CNR2: variants seen among roughly 807,000 people sequenced by gnomAD.
CNR2 encodes the protein cannabinoid receptor 2 (macrophage).
For synonymous variants in CNR2, 172 were observed against 182.2 expected, an observed-to-expected ratio of 0.94 and a Z score of 0.45; for missense variants, 379 against 439.9, an observed-to-expected ratio of 0.86 and a Z score of 1.24.
chr1:23,913,164 A>C (rs1237583499), intron 1 of CNR2, 82 bp downstream of exon 1: 1 of 172,252 alleles, frequency 5.8e-6, no homozygotes, highest in Non-Finnish European at 1.2e-5. Context: ...CCGTCTCAAA[A>C]ACAAACAAAC....
In CNR2 at chr1:23,874,574, C is replaced by T. The variant is rs200225926; in HGVS notation, c.1044G>A (p.Pro348=). 5.9e-5 allele frequency: 96 copies of T among 1,613,980 alleles called. No homozygotes were observed. The East Asian group carries it at 9.4e-4, about 16-fold the overall frequency. ...GGTCTAGATCTCTGGAATCTGGCCA[C>T]GGAGTGATTTTCCCATCAGCCTCTG... ...TETEADGKIT[P]WPDSRDLDLS... Residue 348 remains proline, a synonymous_variant, in exon 2 of 2, where the codon CCG becomes CCA. Coordinates refer to ENST00000374472, the MANE Select transcript of CNR2 (RefSeq NM_001841.3).
intron 1 of CNR2, among the ~76,000 whole-genome samples, chr1:23,912,610 G>A (rs1054508179): frequency 2.0e-5 from 3 of 152,228 alleles, no homozygotes; most frequent in Admixed American, 2.0e-4. Context: ...CGGCTGTTGT[G>A]AGGATTAAAT....
At chr1:23,885,346 T>C (rs1304363281) in intron 1 of CNR2, among the ~76,000 whole-genome samples, 2 of 151,764 alleles carry the variant, frequency 1.3e-5, no homozygotes, top group African/African-American at 2.4e-5. Context: ...AGACCCCAAG[T>C]ATGAGTGTGA....
chr1:23,911,904 A>G (rs975522573), intron 1 of CNR2, among the ~76,000 whole-genome samples: 1 of 152,152 alleles, frequency 6.6e-6, no homozygotes, highest in Non-Finnish European at 1.5e-5. Context: ...ACTTCTCCCC[A>G]GCCTCCATCC....
At chr1:23,886,421 G>A (rs1203837840) in intron 1 of CNR2, among the ~76,000 whole-genome samples, 2 of 152,176 alleles carry the variant, frequency 1.3e-5, no homozygotes, top group East Asian at 1.9e-4. Flanking sequence ...TGGGTTTCCT[G>A]TTGCTCTGTG....
At chr1:23,884,382 T>C (rs543258063) in intron 1 of CNR2, among the ~76,000 whole-genome samples, 13 of 149,648 alleles carry the variant, frequency 8.7e-5, no homozygotes, top group African/African-American at 3.2e-4. Flanking sequence ...CTCGGCTCAC[T>C]GCAGCCTCTG....
At chr1:23,904,178 G>GTTT (rs941406053) in intron 1 of CNR2, among the ~76,000 whole-genome samples, 1 of 132,562 alleles carries the variant, frequency 7.5e-6, no homozygotes. Context: ...TCGTTTCATT[G>GTTT]TTTTTTTTTT....
Position 23,874,222 on chromosome 1 carries a change from G to A in CNR2, c.*313C>T, listed in dbSNP as rs927255865. 3 of 241,182 alleles carry A rather than the reference G, an allele frequency of 1.2e-5. No individual in the cohort carries two copies. The highest frequency in any genetic ancestry group is 9.7e-5 in the Admixed American group (2 of 20,558). 14.9% of individuals were successfully genotyped at this position (241,182 alleles called of 1,614,324 possible). ...CCCTCATTGCTGGGCCTGGAGGCTC[G>A]CTTTGGCTCCTGTGGTCTCTGGAGG... On this transcript the variant is annotated 3_prime_UTR_variant, in exon 2 of 2. Transcript: ENST00000374472.
chr1:23,880,410 G>A lies in CNR2; in HGVS notation c.-45-4748C>T, dbSNP rs903700983. ...GTCAGGCTGGTCTTGATCTGACCTC[G>A]TGATCTGCCCGCCTTAGCCTCCCAA... On this transcript the variant is annotated intron_variant, in intron 1 of 1. Coordinates refer to ENST00000374472, the MANE Select transcript of CNR2 (RefSeq NM_001841.3). Among the ~76,000 whole-genome samples the A allele has an allele frequency of 2.0e-5, 3 of 151,910 alleles. No homozygotes were observed. The East Asian group carries it at 5.8e-4, about 29-fold the overall frequency.
Position 23,901,637 on chromosome 1 carries a change from A to C in CNR2, c.-46+11609T>G. On this transcript the variant is annotated intron_variant, in intron 1 of 1. Transcript: ENST00000374472. ...GCTGCCGTCCAGAACAGCACTGGCCATGTAGAAGGTGTCTTGTTCAACCTG... is the reference window on the plus strand; with the variant it reads ...GCTGCCGTCCAGAACAGCACTGGCCCTGTAGAAGGTGTCTTGTTCAACCTG... The C allele has an allele frequency of 1.9e-6, 3 of 1,558,350 alleles. No individual in the cohort carries two copies. In the South Asian group the frequency reaches 3.3e-5, roughly 17 times the overall value.
At chr1:23,906,906 G>T (rs1191071846) in intron 1 of CNR2, among the ~76,000 whole-genome samples, 1 of 147,932 alleles carries the variant, frequency 6.8e-6, no homozygotes, top group Non-Finnish European at 1.5e-5. Context: ...AAAAAAAAAA[G>T]AAAAAATATG....
chr1:23,885,811 G>A (rs549067549), intron 1 of CNR2, among the ~76,000 whole-genome samples: 1 of 152,126 alleles, frequency 6.6e-6, no homozygotes, highest in Admixed American at 6.6e-5. Flanking sequence ...CCAGGAGGCG[G>A]AGGTTGCAGT....
At chr1:23,890,243 A>G (rs1166007464) in intron 1 of CNR2, among the ~76,000 whole-genome samples, 7 of 135,752 alleles carry the variant, frequency 5.2e-5, no homozygotes, top group South Asian at 2.5e-4. Context: ...CGGGCTACAG[A>G]GTGAGACCTT....
intron 1 of CNR2, among the ~76,000 whole-genome samples, chr1:23,883,986 G>A (rs538444997): frequency 6.6e-6 from 1 of 152,280 alleles, no homozygotes; most frequent in Non-Finnish European, 1.5e-5. Context: ...TAGAGAATCT[G>A]GAGGGATTTT....
intron 1 of CNR2, among the ~76,000 whole-genome samples, chr1:23,892,458 G>A (rs751780699): frequency 2.6e-5 from 4 of 152,168 alleles, no homozygotes; most frequent in Admixed American, 1.3e-4. Context: ...CTGGCACAAA[G>A]TAAGCATCTA....
At chr1:23,887,569 G>T (rs1207415006) in intron 1 of CNR2, among the ~76,000 whole-genome samples, 1 of 152,106 alleles carries the variant, frequency 6.6e-6, no homozygotes, top group Admixed American at 6.6e-5. Flanking sequence ...ATCTGACAAT[G>T]GGACACACAG....
intron 1 of CNR2, among the ~76,000 whole-genome samples, chr1:23,904,926 G>T (rs1443525308): frequency 6.6e-6 from 1 of 152,108 alleles, no homozygotes; most frequent in African/African-American, 2.4e-5. Context: ...TCCTGGTTTG[G>T]CCAGATCCCA....
chr1:23,896,881 G>GT (rs5773060), intron 1 of CNR2, among the ~76,000 whole-genome samples: 114,613 of 141,750 alleles, frequency 0.81, 46,843 homozygotes, highest in East Asian at 0.98. Context: ...CACCAGGAGT[G>GT]TTTTTTTTTT....
At chr1:23,891,217 G>A (rs1041260642) in intron 1 of CNR2, among the ~76,000 whole-genome samples, 4 of 151,904 alleles carry the variant, frequency 2.6e-5, no homozygotes. Context: ...GATTGCAGTT[G>A]TAATAAAGTT....
Sources: gnomAD v4.1 joint callset for allele counts (sites outside exome capture counted in the v4.1 genomes callset) on GRCh38, gnomAD v4.1.1 for gene constraint, MANE v1.5 for transcripts, NCBI Gene and HGNC (gene_info 2026-07-23, HGNC 2026-07-21) for gene names.